The following HECTD2 variants were observed in gnomAD, a reference collection of about 807,000 sequenced individuals.
HECTD2 encodes the protein HECT domain E3 ubiquitin protein ligase 2, also known as probable E3 ubiquitin-protein ligase HECTD2.
A neutral mutation model predicts 103.2 loss-of-function variants in HECTD2; 35 were observed. The ratio of observed to expected loss-of-function variants is 0.34; its 90% CI spans 0.26 to 0.45. The LOEUF is 0.45. Ranked by LOEUF, HECTD2 falls within the 20% of genes least tolerant of loss-of-function variation. HECTD2 has a pLI of 1.00. For synonymous variants in HECTD2, 281 were observed against 329.9 expected, an observed-to-expected ratio of 0.85 and a Z score of 1.61; for missense variants, 596 against 937.4, an observed-to-expected ratio of 0.64 and a Z score of 4.76.
intron 1 of HECTD2, 99 bp from the exon 2 acceptor site, chr10:91,425,182 C>A (rs1564699993): frequency 2.0e-6 from 2 of 1,001,772 alleles, no homozygotes; most frequent in Non-Finnish European, 1.4e-6. Context: ...ATCTACTCGT[C>A]ATCAAATTAA....
rs556890334 is a variant in HECTD2, at chr10:91,425,922, A to T, written c.268+512A>T. ...GTAAAAAGATAAATGGAAAAAATGTACATTATTTATAGTAGTGATATTGGA... is the reference window on the plus strand; with the variant it reads ...GTAAAAAGATAAATGGAAAAAATGTTCATTATTTATAGTAGTGATATTGGA... On this transcript the variant is annotated intron_variant, in intron 2 of 20. Transcript: ENST00000298068. Among the ~76,000 whole-genome samples, 10 of 152,134 alleles carry T rather than the reference A, an allele frequency of 6.6e-5. No homozygotes were observed. In the South Asian group the frequency reaches 2.1e-3, roughly 32 times the overall value.
chr10:91,409,985 C>G (rs889603066), upstream of HECTD2, among the ~76,000 whole-genome samples: 6 of 152,220 alleles, frequency 3.9e-5, no homozygotes, highest in African/African-American at 1.4e-4. Context: ...CTTTGCAGGG[C>G]TCGACTTGTC....
intron 6 of HECTD2, among the ~76,000 whole-genome samples, chr10:91,479,145 G>C (rs1023355664): frequency 1.3e-5 from 2 of 152,170 alleles, no homozygotes; most frequent in African/African-American, 4.8e-5. Context: ...AATCCTGGAG[G>C]CAGAGGTTGC....
At chr10:91,460,845 T>C (rs1845316503) in intron 3 of HECTD2, among the ~76,000 whole-genome samples, 1 of 152,180 alleles carries the variant, frequency 6.6e-6, no homozygotes, top group Non-Finnish European at 1.5e-5. Context: ...AATAATAGAC[T>C]GTTACCATTT....
chr10:91,410,599 C>G (rs575337494), intron 1 of HECTD2, 23 bp downstream of exon 1: 19 of 1,187,348 alleles, frequency 1.6e-5, no homozygotes, highest in Non-Finnish European at 1.6e-5. Context: ...CCGGGGCCGT[C>G]TGGCGCCCCG....
chr10:91,454,002 C>T (rs1014900634), intron 2 of HECTD2, among the ~76,000 whole-genome samples: 3 of 151,954 alleles, frequency 2.0e-5, no homozygotes, highest in African/African-American at 7.2e-5. Flanking sequence ...CAAGTGTGTA[C>T]GCACCAAACA....
At chr10:91,472,731 A>C (rs1390493201) in intron 5 of HECTD2, among the ~76,000 whole-genome samples, 1 of 152,250 alleles carries the variant, frequency 6.6e-6, no homozygotes, top group Non-Finnish European at 1.5e-5. Flanking sequence ...GAGAATTGCA[A>C]ATCAAAACCA....
intron 2 of HECTD2, among the ~76,000 whole-genome samples, chr10:91,455,016 G>A (rs1322281722): frequency 6.6e-6 from 1 of 152,112 alleles, no homozygotes; most frequent in Non-Finnish European, 1.5e-5. Flanking sequence ...TGTGAATAGT[G>A]CCGCAATAAA....
chr10:91,512,151 TAACAGAGTGA>T (rs1847447677), intron 20 of HECTD2, 103 bp from the exon 21 acceptor site: 1 of 1,171,570 alleles, frequency 8.5e-7, no homozygotes, highest in Non-Finnish European at 1.2e-6. Context: ...AGTCATCTCT[TAACAGAGTGA>T]AATAGATTTG....
intron 11 of HECTD2, chr10:91,488,668 T>TA (rs925233262): frequency 1.3e-5 from 2 of 152,122 alleles, no homozygotes; most frequent in Non-Finnish European, 2.9e-5. Flanking sequence ...CAAAATGCTA[T>TA]AAAAAATAAG....
chr10:91,510,914 G>GT (rs1847397175), intron 20 of HECTD2, among the ~76,000 whole-genome samples: 1 of 152,034 alleles, frequency 6.6e-6, no homozygotes, highest in East Asian at 1.9e-4. Flanking sequence ...CCCTGAACAG[G>GT]TTACTTGTAT....
intron 5 of HECTD2, among the ~76,000 whole-genome samples, chr10:91,477,903 C>T (rs1490948339): frequency 6.6e-6 from 1 of 152,050 alleles, no homozygotes; most frequent in Admixed American, 6.6e-5. Flanking sequence ...TCTGTCCTGT[C>T]GGGTCAAGGA....
In HECTD2 at chr10:91,496,335, G is replaced by T; in HGVS notation, c.1643G>T (p.Cys548Phe). 6.2e-7 allele frequency: 1 copy of T among 1,612,250 alleles called. No homozygotes were observed. The highest frequency in any genetic ancestry group is 2.2e-5 in the East Asian group (1 of 44,832). ...GATCAAAATATACCAGTAGGCATCTGCAATGTTACCGTGGACGACTTATGT... is the reference window on the plus strand; with the variant it reads ...GATCAAAATATACCAGTAGGCATCTTCAATGTTACCGTGGACGACTTATGT... ...PSDQNIPVGI[C>F]NVTVDDLCQI... The change falls in exon 15 of 21, where the codon TGC (cysteine) becomes TTC (phenylalanine). Residue 548 changes from cysteine to phenylalanine, a missense_variant. Physicochemically the swap from Cys to Phe is radical, Grantham distance 205. This residue lies in a region of HECTD2 where 303 missense variants were observed against 522.5 expected (regional missense o/e 0.58). Transcript: ENST00000298068.
At chr10:91,440,193 C>T (rs971129049) in intron 2 of HECTD2, among the ~76,000 whole-genome samples, 2 of 152,124 alleles carry the variant, frequency 1.3e-5, no homozygotes, top group African/African-American at 4.8e-5. Context: ...TTTGCCCATT[C>T]AGTATGATAT....
intron 2 of HECTD2, among the ~76,000 whole-genome samples, chr10:91,454,611 G>A (rs1348712532): frequency 6.6e-6 from 1 of 151,810 alleles, no homozygotes. Flanking sequence ...GGGTACATGT[G>A]TACAACATGT....
In HECTD2 at chr10:91,413,191, C is replaced by G. The variant is rs1210492432; in HGVS notation, c.138+2615C>G. Among the ~76,000 whole-genome samples, 4 of 152,074 alleles carry G rather than the reference C, an allele frequency of 2.6e-5. No individual in the cohort carries two copies. The East Asian group carries it at 7.7e-4, about 29-fold the overall frequency. On this transcript the variant is annotated intron_variant, in intron 1 of 20. Transcript: ENST00000298068. ...TAAATATTATCAATAAGTAGAAGGT[C>G]AGTTTACAGTGACCCTAAATAAGGT...
At chr10:91,413,671 A>G (rs1843009413) in intron 1 of HECTD2, among the ~76,000 whole-genome samples, 1 of 152,198 alleles carries the variant, frequency 6.6e-6, no homozygotes, top group African/African-American at 2.4e-5. Flanking sequence ...TTTAATTACC[A>G]TCTCCCAAAT....
In HECTD2 at chr10:91,440,766, G is replaced by T. The variant is rs534365459; in HGVS notation, c.268+15356G>T. 5.2e-3 allele frequency among the ~76,000 whole-genome samples: 228 copies of T among 44,142 alleles called. 7 individuals are homozygous for T. The highest frequency in any genetic ancestry group is 0.02 in the African/African-American group (206 of 10,366). 29.0% of individuals were successfully genotyped at this position (44,142 alleles called of 152,430 possible). ...GCCTCCATTTCAGAACTTGTTATTG[G>T]TCTATTCAGAGATTCGACTTCTTCC... is the stretch of plus-strand genomic sequence containing the variant. On this transcript the variant is annotated intron_variant, in intron 2 of 20. Transcript: ENST00000298068.
chr10:91,458,282 C>T (rs1845198101), intron 2 of HECTD2, among the ~76,000 whole-genome samples: 1 of 151,868 alleles, frequency 6.6e-6, no homozygotes, highest in Admixed American at 6.6e-5. Context: ...AAATTAAGAT[C>T]TAAGTAAGTG....
Sources: gnomAD v4.1 joint callset for allele counts (sites outside exome capture counted in the v4.1 genomes callset) on GRCh38, gnomAD v4.1.1 for gene constraint, gnomAD v4.1.1 regional missense constraint, MANE v1.5 for transcripts, NCBI Gene and HGNC (gene_info 2026-07-23, HGNC 2026-07-21) for gene names.